The following BRD7 variants were observed in gnomAD, a reference collection of about 807,000 sequenced individuals.
BRD7 encodes the protein bromodomain containing 7, also known as bromodomain-containing protein 7.
BRD7 carries 15 observed loss-of-function variants against 82.1 expected under a neutral mutation model. The observed-to-expected ratio is 0.18, with a 90% CI of 0.12 to 0.28. The LOEUF is 0.28. BRD7 is among the 10% of genes least tolerant of loss of function. BRD7 has a pLI of 1.00. For synonymous variants in BRD7, 232 were observed against 266.9 expected, an observed-to-expected ratio of 0.87 and a Z score of 1.27; for missense variants, 638 against 779.9, an observed-to-expected ratio of 0.82 and a Z score of 2.17.
intron 12 of BRD7, among the ~76,000 whole-genome samples, chr16:50,323,103 T>A (rs556201687): frequency 6.6e-6 from 1 of 152,368 alleles, no homozygotes; most frequent in Admixed American, 6.5e-5. Flanking sequence ...GCCAAAACTC[T>A]GAATGATTCC....
At chr16:50,363,992 G>C (rs1314093147) in intron 2 of BRD7, among the ~76,000 whole-genome samples, 1 of 151,524 alleles carries the variant, frequency 6.6e-6, no homozygotes, top group African/African-American at 2.4e-5. Context: ...AAGTCCAGGA[G>C]TTTGAAGCTG....
chr16:50,325,316 T>A (rs1345197811), intron 11 of BRD7, among the ~76,000 whole-genome samples: 1 of 152,150 alleles, frequency 6.6e-6, no homozygotes, highest in African/African-American at 2.4e-5. Flanking sequence ...AAAAAGGCTT[T>A]TATGTGGGCT....
chr16:50,358,371 CTG>C (rs2038818963), intron 2 of BRD7, among the ~76,000 whole-genome samples: 1 of 2,124 alleles, frequency 4.7e-4, no homozygotes, highest in Non-Finnish European at 1.7e-3. Flanking sequence ...TGGTGTGCAC[CTG>C]GAGTCCCAGC....
rs1181625284 is a variant in BRD7 at position 50,317,065 on chromosome 16, TG to T, written c.*2145del. 2.6e-5 allele frequency: 4 copies of T among 152,606 alleles called. No homozygotes were observed. Among genetic ancestry groups the T allele is most frequent in the African/African-American group, 9.7e-5 (4 of 41,344 alleles). The allele number at this position is 152,606 out of a possible 1,614,324, so 9.5% of individuals were successfully genotyped here. On this transcript the variant is annotated 3_prime_UTR_variant, in exon 17 of 17. Transcript: ENST00000394688. The stretch of plus-strand genomic sequence containing the variant: ...GTACAGCTAAGTGCGGGGGTGGCGG[TG>T]GAGGGAACGAAAATTGAACCTGTCT...
At position 50,319,921 on chromosome 16, in the gene BRD7, G is replaced by T; in HGVS notation, c.1866C>A (p.Pro622=). The T allele has an allele frequency of 6.2e-7, 1 of 1,612,250 alleles. No individual in the cohort carries two copies. The highest frequency in any genetic ancestry group is 8.5e-7 in the Non-Finnish European group (1 of 1,179,918). ...RKAMGISIPS[P]VMENNFVDLT... ...AATCCACAAAGTTGTTTTCCATGAC[G>T]GGGGAAGGAATGGAAATCCCCATTG... Residue 622 remains proline (P), a synonymous_variant, in exon 16 of 17, where the codon CCC becomes CCA. Transcript: ENST00000394688.
intron 2 of BRD7, among the ~76,000 whole-genome samples, chr16:50,363,641 T>TTGTGTGTGTGTGTGTGTGTGTG (rs374792308): frequency 4.0e-5 from 6 of 149,174 alleles, no homozygotes; most frequent in African/African-American, 1.5e-4. Context: ...CGTTGTGTGT[T>TTGTGTGTGTGTGTGTGTGTGTG]TGTGTGTGTG....
At chr16:50,342,568 C>A (rs547273226) in intron 5 of BRD7, among the ~76,000 whole-genome samples, 1 of 146,544 alleles carries the variant, frequency 6.8e-6, no homozygotes, top group East Asian at 2.1e-4. Context: ...CTACAGGCAT[C>A]CGCCACCACA....
chr16:50,354,615 AG>A (rs1414383410), intron 3 of BRD7, 133 bp from the exon 4 acceptor site: 16 of 1,190,598 alleles, frequency 1.3e-5, no homozygotes, highest in Non-Finnish European at 1.9e-5. Context: ...AATATATTGA[AG>A]TTTGAGAGTA....
intron 11 of BRD7, among the ~76,000 whole-genome samples, chr16:50,324,085 T>G (rs907946200): frequency 3.3e-5 from 5 of 152,078 alleles, no homozygotes; most frequent in Non-Finnish European, 4.4e-5. Context: ...CATGGAAGTC[T>G]AACAGACATC....
Position 50,354,933 on chromosome 16 carries a change from C to G in BRD7, c.259-11G>C, listed in dbSNP as rs777086608. On this transcript the variant is annotated splice_polypyrimidine_tract_variant and intron_variant, in intron 2 of 16. Transcript: ENST00000394688. ...CTTCTTTTTATCCTCCTAAATGGAA[C>G]AAAGGGAGATAATTTAGAAATATTT... is the stretch of plus-strand genomic sequence containing the variant. 3.7e-6 allele frequency: 6 copies of G among 1,609,524 alleles called. No homozygotes were observed. In the African/African-American group the frequency reaches 8.1e-5, roughly 22 times the overall value.
In BRD7 at chr16:50,318,334, C is replaced by A. The variant is rs185982116; in HGVS notation, c.*877G>T. On this transcript the variant is annotated 3_prime_UTR_variant, in exon 17 of 17. Coordinates refer to ENST00000394688, the MANE Select transcript of BRD7 (RefSeq NM_013263.5). The stretch of plus-strand genomic sequence containing the variant: ...GAAAATAATAGAAATCAAATGGCTT[C>A]CTGCCTGGGTGATTTATAGAAGGAT... 6.6e-6 allele frequency: 1 copy of A among 152,324 alleles called. No homozygotes were observed. The highest frequency in any genetic ancestry group is 1.5e-5 in the Non-Finnish European group (1 of 68,028). 9.4% of individuals were successfully genotyped at this position (152,324 alleles called of 1,614,324 possible). A position where few individuals can be genotyped will look rare whatever the true frequency, so the allele number is the denominator to read the frequency against.
intron 2 of BRD7, among the ~76,000 whole-genome samples, chr16:50,357,240 C>T (rs2038770964): frequency 1.3e-5 from 2 of 152,130 alleles, no homozygotes; most frequent in African/African-American, 4.8e-5. Context: ...GTGGGTGTTG[C>T]TGGTACAGGG....
intron 2 of BRD7, among the ~76,000 whole-genome samples, chr16:50,366,747 C>T (rs146032999): frequency 6.6e-6 from 1 of 151,852 alleles, no homozygotes; most frequent in Non-Finnish European, 1.5e-5. Flanking sequence ...TGCTTTGTGT[C>T]AAAAAGCTGT....
intron 15 of BRD7, 34 bp downstream of exon 15, chr16:50,320,214 C>G: frequency 1.3e-6 from 2 of 1,592,574 alleles, no homozygotes; most frequent in Non-Finnish European, 1.7e-6. Context: ...TTGAAGCATC[C>G]CGTGACTCTC....
At chr16:50,368,622 C>A (rs1256361233) in intron 1 of BRD7, 104 bp downstream of exon 1, 4 of 1,241,174 alleles carry the variant, frequency 3.2e-6, no homozygotes, top group African/African-American at 1.6e-5. Flanking sequence ...CTGGGCCTGC[C>A]GTGGGAAGGA....
At chr16:50,360,230 G>T (rs1229477770) in intron 2 of BRD7, among the ~76,000 whole-genome samples, 1 of 152,172 alleles carries the variant, frequency 6.6e-6, no homozygotes, top group Non-Finnish European at 1.5e-5. Context: ...CTAAGTATTT[G>T]CAGAAGTAAT....
chr16:50,328,618 G>A (rs1369908211), intron 9 of BRD7, 51 bp downstream of exon 9: 4 of 1,525,670 alleles, frequency 2.6e-6, no homozygotes, highest in South Asian at 2.3e-5. Flanking sequence ...CCAGGTTACT[G>A]TTCTCTGCCA....
intron 2 of BRD7, among the ~76,000 whole-genome samples, chr16:50,358,735 A>G (rs955288169): frequency 6.6e-6 from 1 of 152,198 alleles, no homozygotes; most frequent in African/African-American, 2.4e-5. Context: ...ATCCTGGTCT[A>G]CCGTAACCAC....
chr16:50,341,928 TCA>T (rs375793137), intron 5 of BRD7, among the ~76,000 whole-genome samples: 9,923 of 143,494 alleles, frequency 0.069, 364 homozygotes, highest in Non-Finnish European at 0.082. Context: ...TGCACACTTT[TCA>T]CACACACACA....
Sources: gnomAD v4.1 joint callset for allele counts (sites outside exome capture counted in the v4.1 genomes callset) on GRCh38, gnomAD v4.1.1 for gene constraint, MANE v1.5 for transcripts, NCBI Gene and HGNC (gene_info 2026-07-23, HGNC 2026-07-21) for gene names.